The following KATNIP variants were observed in gnomAD, a reference collection of about 807,000 sequenced individuals.
The protein encoded by KATNIP is katanin-interacting protein.
KATNIP carries 126 observed loss-of-function variants against 174.0 expected under a neutral mutation model. The observed-to-expected ratio is 0.72, with a 90% CI of 0.63 to 0.84. The LOEUF is 0.84. Ranked by LOEUF, KATNIP falls within the 40% of genes least tolerant of loss-of-function variation. The pLI is 0.00. For missense variants in KATNIP, 1,958 were observed against 2,109.7 expected, an observed-to-expected ratio of 0.93 and a Z score of 1.41; for synonymous variants, 810 against 835.7, an observed-to-expected ratio of 0.97 and a Z score of 0.53.
In KATNIP at chr16:27,749,766, A is replaced by G; in HGVS notation, c.2806A>G (p.Ser936Gly). The G allele has an allele frequency of 6.2e-7, 1 of 1,610,540 alleles. No individual in the cohort carries two copies. Among genetic ancestry groups the G allele is most frequent in the Middle Eastern group, 1.7e-4 (1 of 6,052 alleles). ...ELLQQKSSRH[S>G]DLPPSKKGEQ... ...CCTGCAGCAAAAGAGCAGCCGGCAC[A>G]GCGACTTGCCCCCCTCCAAGAAGGG... Residue 936 changes from serine (S) to glycine (G), a missense_variant, in exon 16 of 28, where the codon AGC becomes GGC. Around this residue, in one of 3 missense-constraint regions of KATNIP, gnomAD observed 1,557 missense variants for 1,617.8 expected, o/e 0.96. Transcript: ENST00000261588.
At chr16:27,591,993 G>A (rs1450184875) in intron 2 of KATNIP, among the ~76,000 whole-genome samples, 1 of 152,040 alleles carries the variant, frequency 6.6e-6, no homozygotes, top group Non-Finnish European at 1.5e-5. Flanking sequence ...TTTATTCTGT[G>A]TGCCTCCCAT....
intron 14 of KATNIP, 110 bp downstream of exon 14, chr16:27,721,805 C>A: frequency 1.6e-6 from 2 of 1,240,476 alleles, no homozygotes; most frequent in Non-Finnish European, 2.2e-6. Flanking sequence ...GGAAGCCCTG[C>A]TGGCCTCGTG....
intron 14 of KATNIP, among the ~76,000 whole-genome samples, chr16:27,735,290 A>G (rs1567368052): frequency 6.6e-6 from 1 of 152,214 alleles, no homozygotes; most frequent in African/African-American, 2.4e-5. Flanking sequence ...GCTGGAGGTC[A>G]GATGGGCTCT....
Position 27,776,724 on chromosome 16 carries a change from G to A in KATNIP, c.4450-204G>A, listed in dbSNP as rs1161471024. The A allele has an allele frequency of 3.1e-5, 17 of 540,224 alleles. No individual in the cohort carries two copies. In the South Asian group the frequency reaches 3.2e-4, roughly 10 times the overall value. 33.5% of individuals were successfully genotyped at this position (540,224 alleles called of 1,614,324 possible). A position where few individuals can be genotyped will look rare whatever the true frequency, so the allele number is the denominator to read the frequency against. The stretch of plus-strand genomic sequence containing the variant: ...CAGGCCCTCCAAAAGCCAGCTCAGC[G>A]GTTTGTTGCAAATGCAGCCACACGT... On this transcript the variant is annotated intron_variant, in intron 24 of 27. Coordinates refer to ENST00000261588, the MANE Select transcript of KATNIP (RefSeq NM_015202.5). The surrounding 1 kb of genome is among the most constrained non-coding windows in gnomAD (Gnocchi z 4.7).
At chr16:27,647,646 C>T (rs546540563) in intron 5 of KATNIP, among the ~76,000 whole-genome samples, 7 of 152,210 alleles carry the variant, frequency 4.6e-5, no homozygotes, top group African/African-American at 1.7e-4. Context: ...GCTGGGACTA[C>T]AGGCATGCGC....
At chr16:27,677,085 CCATAA>C (rs2078145484) in intron 6 of KATNIP, among the ~76,000 whole-genome samples, 1 of 152,052 alleles carries the variant, frequency 6.6e-6, no homozygotes, top group South Asian at 2.1e-4. Context: ...TAATGCTTAG[CCATAA>C]GGAATCTACA....
chr16:27,754,038 A>G, intron 17 of KATNIP, 135 bp from the exon 18 acceptor site: 2 of 736,282 alleles, frequency 2.7e-6, no homozygotes, highest in Non-Finnish European at 4.7e-6. Flanking sequence ...AAAGGCAGAA[A>G]AATCCAGGAA....
At chr16:27,756,227 A>G (rs770156679) in intron 18 of KATNIP, among the ~76,000 whole-genome samples, 1 of 152,236 alleles carries the variant, frequency 6.6e-6, no homozygotes, top group Non-Finnish European at 1.5e-5. Context: ...AAGGTGCCTT[A>G]GAGGAAGGTG....
chr16:27,565,281 C>G (rs1203251290), intron 1 of KATNIP, among the ~76,000 whole-genome samples: 3 of 151,192 alleles, frequency 2.0e-5, no homozygotes, highest in Non-Finnish European at 4.4e-5. Context: ...GCTTGGCCAA[C>G]ATAGTGAAAC....
At chr16:27,685,437 C>G (rs2078487888) in intron 8 of KATNIP, 1 of 151,864 alleles carries the variant, frequency 6.6e-6, no homozygotes, top group South Asian at 2.1e-4. Context: ...AGAGAGAAAA[C>G]AAGAGTAGAA....
In KATNIP at chr16:27,721,712, G is replaced by A; in HGVS notation, c.1743+17G>A. Reference sequence around the variant, plus strand: ...GCTGATGGCGTAAGTAACAGGCGCTGGTTCCCCACTGGGCACTGGGTTGAT... The same window carrying A: ...GCTGATGGCGTAAGTAACAGGCGCTAGTTCCCCACTGGGCACTGGGTTGAT... On this transcript the variant is annotated intron_variant, in intron 14 of 27. Coordinates refer to ENST00000261588, the MANE Select transcript of KATNIP (RefSeq NM_015202.5). 6.2e-7 allele frequency: 1 copy of A among 1,612,194 alleles called. No homozygotes were observed. Among genetic ancestry groups the A allele is most frequent in the Non-Finnish European group, 8.5e-7 (1 of 1,179,294 alleles).
At position 27,591,201 on chromosome 16, in the gene KATNIP, T is replaced by A. The variant is rs1012599366; in HGVS notation, c.63+17245T>A. Among the ~76,000 whole-genome samples, 34 of 152,198 alleles carry A rather than the reference T, an allele frequency of 2.2e-4. 1 individual carries two copies. Among genetic ancestry groups the A allele is most frequent in the African/African-American group, 8.2e-4 (34 of 41,550 alleles). ...TTGCACTTTCTTTCTTTTTTTTTTT[T>A]TTGAGACGGAGTCTCGCTCTGTCAC... On this transcript the variant is annotated intron_variant, in intron 2 of 27. Coordinates refer to ENST00000261588, the MANE Select transcript of KATNIP (RefSeq NM_015202.5).
At chr16:27,566,796 G>A (rs1016744747) in intron 1 of KATNIP, among the ~76,000 whole-genome samples, 1 of 152,162 alleles carries the variant, frequency 6.6e-6, no homozygotes, top group Non-Finnish European at 1.5e-5. Context: ...GCTATCACCC[G>A]GGGAAGAAGC....
At chr16:27,559,981 A>T (rs1437076503) in intron 1 of KATNIP, among the ~76,000 whole-genome samples, 1 of 151,100 alleles carries the variant, frequency 6.6e-6, no homozygotes, top group Non-Finnish European at 1.5e-5. Flanking sequence ...ACTCTGTATA[A>T]AAAAAATAAA....
At chr16:27,556,298 C>A (rs962248313) in intron 1 of KATNIP, among the ~76,000 whole-genome samples, 2 of 152,138 alleles carry the variant, frequency 1.3e-5, no homozygotes, top group African/African-American at 4.8e-5. Flanking sequence ...CAATGTTTGA[C>A]ATTTTTTATT....
intron 15 of KATNIP, among the ~76,000 whole-genome samples, chr16:27,745,858 A>C (rs2081273655): frequency 6.6e-6 from 1 of 151,890 alleles, no homozygotes; most frequent in African/African-American, 2.4e-5. Flanking sequence ...GCAGCTCCCC[A>C]ATTCCCCAAT....
chr16:27,661,030 G>T (rs1022412816), intron 6 of KATNIP, among the ~76,000 whole-genome samples: 3 of 152,136 alleles, frequency 2.0e-5, no homozygotes, highest in Non-Finnish European at 4.4e-5. Context: ...TAGGCACCCT[G>T]ACCAGCCCAC....
chr16:27,571,455 A>T (rs969691037), intron 1 of KATNIP, among the ~76,000 whole-genome samples: 15 of 152,146 alleles, frequency 9.9e-5, no homozygotes, highest in Non-Finnish European at 2.1e-4. Context: ...AAAGAAAAAA[A>T]AAAAAAACTA....
At chr16:27,671,505 C>G (rs778321764) in intron 6 of KATNIP, among the ~76,000 whole-genome samples, 1 of 152,148 alleles carries the variant, frequency 6.6e-6, no homozygotes, top group Admixed American at 6.5e-5. Context: ...GATGCCTCAA[C>G]GATCTTTGTG....
Sources: allele counts gnomAD v4.1 joint callset (sites outside exome capture counted in the v4.1 genomes callset), GRCh38; gene constraint gnomAD v4.1.1; regional missense constraint gnomAD v4.1.1; non-coding constraint Gnocchi (gnomAD v3.1); transcripts MANE v1.5; gene names NCBI Gene and HGNC (gene_info 2026-07-23, HGNC 2026-07-21).